The following STAB2 variants were observed in gnomAD, a reference collection of about 807,000 sequenced individuals.
STAB2 encodes stabilin-2.
In STAB2, 288 loss-of-function variants were observed where a neutral mutation model predicts 338.1. The ratio of observed to expected loss-of-function variants is 0.85; its 90% CI spans 0.77 to 0.94. The LOEUF (loss-of-function observed/expected upper bound fraction) is 0.94. Ranked by LOEUF, STAB2 falls within the 40% of genes least tolerant of loss-of-function variation. STAB2 has a pLI of 0.00. For missense variants in STAB2, 3,141 were observed against 3,210.1 expected, an observed-to-expected ratio of 0.98 and a Z score of 0.52; for synonymous variants, 1,202 against 1,193.3, an observed-to-expected ratio of 1.01 and a Z score of -0.15.
chr12:103,616,978 C>A (rs1056572391), intron 3 of STAB2, among the ~76,000 whole-genome samples: 7 of 152,220 alleles, frequency 4.6e-5, no homozygotes, highest in African/African-American at 1.7e-4. Flanking sequence ...TCTACATCCT[C>A]ACCTCCTGCT....
At chr12:103,636,630 C>T (rs1957552512) in intron 6 of STAB2, among the ~76,000 whole-genome samples, 1 of 152,080 alleles carries the variant, frequency 6.6e-6, no homozygotes, top group South Asian at 2.1e-4. Flanking sequence ...AAGTATTAAG[C>T]TGTACTTCAC....
At chr12:103,763,336 G>C in intron 67 of STAB2, 156 bp from the exon 68 acceptor site, 1 of 654,900 alleles carries the variant, frequency 1.5e-6, no homozygotes, top group South Asian at 1.8e-5. Flanking sequence ...CTAAAGGTTG[G>C]TAAATTTTAT....
chr12:103,621,977 C>T (rs375556123), intron 4 of STAB2, 65 bp from the exon 5 acceptor site: 6 of 1,514,406 alleles, frequency 4.0e-6, no homozygotes, highest in Admixed American at 1.8e-5. Context: ...GTTGGAAATC[C>T]AAGGCCTTCC....
intron 39 of STAB2, among the ~76,000 whole-genome samples, chr12:103,709,058 G>T (rs1879614176): frequency 6.6e-6 from 1 of 152,144 alleles, no homozygotes; most frequent in Non-Finnish European, 1.5e-5. Flanking sequence ...GAAAGGTCTT[G>T]CTACTTATTG....
At chr12:103,618,703 C>A (rs144674576) in intron 3 of STAB2, among the ~76,000 whole-genome samples, 47 of 152,264 alleles carry the variant, frequency 3.1e-4, no homozygotes, top group African/African-American at 9.6e-4. Flanking sequence ...GTCACTTAAC[C>A]ACTCTGTGCC....
intron 58 of STAB2, among the ~76,000 whole-genome samples, chr12:103,748,049 G>C (rs1883219891): frequency 6.6e-6 from 1 of 150,814 alleles, no homozygotes; most frequent in South Asian, 2.1e-4. Context: ...ACTAGGTATT[G>C]AGGAAAAATC....
intron 41 of STAB2, among the ~76,000 whole-genome samples, chr12:103,713,042 AACCTAAATACTTATT>A (rs903839319): frequency 2.6e-5 from 4 of 152,212 alleles, no homozygotes; most frequent in Admixed American, 2.6e-4. Flanking sequence ...CCCAGGTTTG[AACCTAAATACTTATT>A]ACTTACATTA....
chr12:103,745,251 C>T lies in STAB2; in HGVS notation c.6110C>T (p.Thr2037Ile). ...CAGTGCCTCTGTGAAACGGGGTGGA[C>T]AGGCCCCTCGTGTGACACTCAGGCA... Reference protein sequence around the residue: ...SGQCLCETGWTGPSCDTQAVL... With the variant: ...SGQCLCETGWIGPSCDTQAVL... The change falls in exon 57 of 69, where the codon ACA becomes ATA. Residue 2037 changes from threonine (T) to isoleucine (I), a missense_variant. Physicochemically the swap from Thr to Ile is moderately conservative, Grantham distance 89. Transcript: ENST00000388887. 6.2e-7 allele frequency: 1 copy of T among 1,613,836 alleles called. No homozygotes were observed. The highest frequency in any genetic ancestry group is 8.5e-7 in the Non-Finnish European group (1 of 1,179,972).
At chr12:103,706,099 C>T (rs1879326638) in intron 37 of STAB2, among the ~76,000 whole-genome samples, 1 of 152,110 alleles carries the variant, frequency 6.6e-6, no homozygotes, top group African/African-American at 2.4e-5. Flanking sequence ...GAAAACAGGA[C>T]CCCAAGGCTA....
At chr12:103,653,852 A>G (rs1305656138) in intron 12 of STAB2, among the ~76,000 whole-genome samples, 1 of 138,348 alleles carries the variant, frequency 7.2e-6, no homozygotes, top group African/African-American at 2.5e-5. Flanking sequence ...GGATGGATGG[A>G]TGGATGGATG....
chr12:103,744,332 T>G (rs1243106880), intron 56 of STAB2, among the ~76,000 whole-genome samples: 1 of 151,988 alleles, frequency 6.6e-6, no homozygotes, highest in Non-Finnish European at 1.5e-5. Flanking sequence ...TTAAATTTTT[T>G]GTAGAGATTG....
chr12:103,650,354 C>A (rs1471949100), intron 10 of STAB2, 142 bp from the exon 11 acceptor site: 1 of 583,958 alleles, frequency 1.7e-6, no homozygotes, highest in Non-Finnish European at 3.1e-6. Flanking sequence ...TCCCAGTTGA[C>A]ACAGGGCCTA....
chr12:103,659,231 G>A (rs1251753040), intron 15 of STAB2, among the ~76,000 whole-genome samples: 1 of 152,210 alleles, frequency 6.6e-6, no homozygotes, highest in Non-Finnish European at 1.5e-5. Context: ...AAAGTGAATG[G>A]AGGTGCCAGG....
chr12:103,600,195 G>C (rs898330876), intron 3 of STAB2, among the ~76,000 whole-genome samples: 42 of 152,182 alleles, frequency 2.8e-4, no homozygotes, highest in African/African-American at 9.9e-4. Flanking sequence ...CAGCACTTTG[G>C]TAAGGACATT....
intron 56 of STAB2, among the ~76,000 whole-genome samples, chr12:103,744,764 C>T (rs1192429122): frequency 1.3e-5 from 2 of 152,198 alleles, no homozygotes; most frequent in Non-Finnish European, 2.9e-5. Context: ...TGAGCCACCA[C>T]ACCCAGCCAA....
intron 3 of STAB2, among the ~76,000 whole-genome samples, chr12:103,601,459 G>T (rs909946661): frequency 6.6e-6 from 1 of 152,164 alleles, no homozygotes. Context: ...GGGCATGGTC[G>T]TGGGTGCCTG....
intron 3 of STAB2, among the ~76,000 whole-genome samples, chr12:103,605,629 A>T (rs1957016606): frequency 6.6e-6 from 1 of 151,912 alleles, no homozygotes; most frequent in African/African-American, 2.4e-5. Context: ...TTTTCGTTTC[A>T]TGTACTTTGA....
chr12:103,740,843 A>G, intron 55 of STAB2, 87 bp downstream of exon 55: 1 of 1,462,342 alleles, frequency 6.8e-7, no homozygotes. Flanking sequence ...CCAAAATTAT[A>G]GGGGGATGGG....
rs777616622 is a variant in STAB2, at chr12:103,750,658, G to A, written c.6518G>A (p.Arg2173His). 17 of 1,614,090 alleles carry A rather than the reference G, an allele frequency of 1.1e-5. No individual in the cohort carries two copies. The highest frequency in any genetic ancestry group is 6.7e-5 in the Admixed American group (4 of 60,014). The change falls in exon 60 of 69, where the codon CGC (arginine) becomes CAC (histidine). Residue 2173 changes from arginine to histidine, a missense_variant. Arg to His is a conservative substitution (Grantham distance 29). Transcript: ENST00000388887. ...GAGCCGGAGCAGCTGCCCATTGACC[G>A]CTGCTTACAGGACAATGGGCAGTGC... ...NCEPEQLPID[R>H]CLQDNGQCHA...
Sources: gnomAD v4.1 joint callset for allele counts (sites outside exome capture counted in the v4.1 genomes callset) on GRCh38, gnomAD v4.1.1 for gene constraint, MANE v1.5 for transcripts, NCBI Gene and HGNC (gene_info 2026-07-23, HGNC 2026-07-21) for gene names.